The following DHX58 variants were observed in gnomAD, a reference collection of about 807,000 sequenced individuals.
DHX58 encodes the protein ATP-dependent RNA helicase DHX58.
DHX58 carries 51 observed loss-of-function variants against 65.0 expected under a neutral mutation model. That is an observed-to-expected ratio of 0.78 (90% CI 0.63 to 0.99). The LOEUF is 0.99. Among genes scored for constraint, DHX58 ranks in the 50% least tolerant of loss-of-function variants. The pLI, the probability that DHX58 is intolerant of heterozygous loss-of-function variation, is 0.00. For missense variants in DHX58, 773 were observed against 891.8 expected, an observed-to-expected ratio of 0.87 and a Z score of 1.70; for synonymous variants, 350 against 365.0, an observed-to-expected ratio of 0.96 and a Z score of 0.47.
rs1218640824 is a variant in DHX58 at position 42,105,810 on chromosome 17, G to C, written c.1177C>G (p.Leu393Val). The C allele has an allele frequency of 5.2e-5, 84 of 1,613,682 alleles. No homozygotes were observed. Among genetic ancestry groups the C allele is most frequent in the Non-Finnish European group, 6.9e-5 (81 of 1,179,868 alleles). Reference protein sequence around the residue: ...LLLWLQQQQGLQTVDIRAQLL... With the variant: ...LLLWLQQQQGVQTVDIRAQLL... ...TGGGCCCGGATGTCCACAGTCTGCA[G>C]GCCCTGCTGCTGCTGGAGCCAGAGC... Residue 393 changes from leucine to valine, a missense_variant, in exon 9 of 14, where the codon CTG (leucine) becomes GTG (valine). Physicochemically the swap from Leu to Val is conservative, Grantham distance 32. Transcript: ENST00000251642.
chr17:42,106,869 G>A lies in DHX58; in HGVS notation c.997+735C>T, dbSNP rs530503891. Among the ~76,000 whole-genome samples, 74 of 152,030 alleles carry A rather than the reference G, an allele frequency of 4.9e-4. 1 individual carries two copies. In the East Asian group the frequency reaches 0.012, roughly 25 times the overall value. On this transcript the variant is annotated intron_variant, in intron 8 of 13. Coordinates refer to ENST00000251642, the MANE Select transcript of DHX58 (RefSeq NM_024119.3). The stretch of plus-strand genomic sequence containing the variant: ...CCACTCTCAAGGCCAGCCTCACACC[G>A]GGGTCATACAGTACAGAACCTCAGA...
chr17:42,105,576 C>CCCTCTCCCCTAGCT (rs2054043761), intron 9 of DHX58, among the ~76,000 whole-genome samples, 160 bp downstream of exon 9: 1 of 152,134 alleles, frequency 6.6e-6, no homozygotes, highest in Admixed American at 6.5e-5. Flanking sequence ...CAGTGTCCGC[C>CCCTCTCCCCTAGCT]CCTCTCCCCT....
At position 42,109,251 on chromosome 17, in the gene DHX58, T is replaced by C. The variant is rs976623815; in HGVS notation, c.678+19A>G. On this transcript the variant is annotated intron_variant, in intron 6 of 13. Coordinates refer to ENST00000251642, the MANE Select transcript of DHX58 (RefSeq NM_024119.3). ...TTCACACCGGCTCCCGCTCTCGCCG[T>C]GTCCCTGCCCCCGCGTACCTGGCTG... The C allele has an allele frequency of 6.2e-7, 1 of 1,603,092 alleles. No individual in the cohort carries two copies. Among genetic ancestry groups the C allele is most frequent in the African/African-American group, 1.3e-5 (1 of 74,928 alleles).
intron 8 of DHX58, 32 bp from the exon 9 acceptor site, chr17:42,106,021 A>AG: frequency 6.3e-7 from 1 of 1,594,618 alleles, no homozygotes; most frequent in South Asian, 1.1e-5. Context: ...AGCTGGGTGT[A>AG]GTGGCACATG....
rs1555663882 is a variant in DHX58 at position 42,110,715 on chromosome 17, A to G, written c.561+8T>C. The G allele has an allele frequency of 3.1e-6, 5 of 1,590,950 alleles. No homozygotes were observed. The highest frequency in any genetic ancestry group is 1.7e-5 in the Admixed American group (1 of 57,910). On this transcript the variant is annotated splice_region_variant and intron_variant, in intron 5 of 13. Transcript: ENST00000251642. ...TGGCAGTGGGAGGCCCACAGGGGCC[A>G]GGCTGACCTGCAGGACGTGGTTGAT...
At chr17:42,107,582 G>A (rs1555662980) in intron 8 of DHX58, 22 bp downstream of exon 8, 3 of 750,096 alleles carry the variant, frequency 4.0e-6, no homozygotes, top group Non-Finnish European at 4.2e-6. Context: ...CCCCGGCCCC[G>A]AAGCCCCCTC....
intron 10 of DHX58, 24 bp downstream of exon 10, chr17:42,104,994 C>A (rs782157143): frequency 1.1e-5 from 18 of 1,611,870 alleles, no homozygotes; most frequent in Admixed American, 6.7e-5. Flanking sequence ...ATAAGGGCGG[C>A]TGAGTGGAGG....
Position 42,110,770 on chromosome 17 carries a change from T to C in DHX58, c.514A>G (p.Thr172Ala), listed in dbSNP as rs1555663920. 6.2e-7 allele frequency: 1 copy of C among 1,613,146 alleles called. No individual in the cohort carries two copies. The highest frequency in any genetic ancestry group is 8.5e-7 in the Non-Finnish European group (1 of 1,179,598). Residue 172 changes from threonine to alanine, a missense_variant, in exon 5 of 14, where the codon ACT becomes GCT. Thr to Ala is a moderately conservative substitution (Grantham distance 58). Coordinates refer to ENST00000251642, the MANE Select transcript of DHX58 (RefSeq NM_024119.3). ...QVLGLTASPG[T>A]GGASKLDGAI... ...CCATCGAGTTTGGAGGCCCCGCCAG[T>C]GCCTGGGGAGGCTGTGAGACCCAGC...
rs368644102 is a variant in DHX58 at position 42,111,798 on chromosome 17, C to T, written c.95G>A (p.Arg32Gln). ...CCGCTTGGCCACATAAGCAGCCGCC[C>T]GGGTCTTCCCGGCACCCGTGGGCAG... ...IWLPTGAGKT[R>Q]AAAYVAKRHL... is the part of the protein sequence containing the mutation. The change falls in exon 3 of 14, where the codon CGG becomes CAG. Residue 32 changes from arginine (R) to glutamine (Q), a missense_variant. Arg to Gln is a conservative substitution (Grantham distance 43). Coordinates refer to ENST00000251642, the MANE Select transcript of DHX58 (RefSeq NM_024119.3). 61 of 1,613,950 alleles carry T rather than the reference C, an allele frequency of 3.8e-5. No homozygotes were observed. The highest frequency in any genetic ancestry group is 2.0e-4 in the East Asian group (9 of 44,892).
rs2053984468 is a variant in DHX58 at position 42,101,877 on chromosome 17, C to T, written c.1921G>A (p.Glu641Lys). ...GCCTGGATCCGCCCCTGAGGGGTCT[C>T]CAGCAGCATGCTGCGGACTTTGAGC... is the stretch of plus-strand genomic sequence containing the variant. ...PVLKVRSMLL[E>K]TPQGRIQAKK... is the part of the protein sequence containing the mutation. The change falls in exon 14 of 14, where the codon GAG becomes AAG. Residue 641 changes from glutamate (E) to lysine (K), a missense_variant. Glu to Lys is a moderately conservative substitution (Grantham distance 56, BLOSUM62 1). Transcript: ENST00000251642. The T allele has an allele frequency of 6.2e-7, 1 of 1,614,224 alleles. No individual in the cohort carries two copies. The highest frequency in any genetic ancestry group is 8.5e-7 in the Non-Finnish European group (1 of 1,180,038).
intron 1 of DHX58, 181 bp downstream of exon 1, chr17:42,112,424 C>A: frequency 4.1e-6 from 1 of 243,334 alleles, no homozygotes; most frequent in Admixed American, 5.2e-5. Context: ...GGGACTCAGA[C>A]CCACTGGGCC....
chr17:42,101,677 T>A lies in DHX58; in HGVS notation c.*84A>T. ...TGGTGGGCCTGATGCCCACAGCTGA[T>A]GATTCAGGAAGGAGGGGCCTGGAGT... On this transcript the variant is annotated 3_prime_UTR_variant, in exon 14 of 14. Transcript: ENST00000251642. 6.5e-7 allele frequency: 1 copy of A among 1,531,632 alleles called. No homozygotes were observed. The highest frequency in any genetic ancestry group is 8.9e-7 in the Non-Finnish European group (1 of 1,129,616). The allele number at this position is 1,531,632 out of a possible 1,614,324, so 94.9% of individuals were successfully genotyped here. A position where few individuals can be genotyped will look rare whatever the true frequency, so the allele number is the denominator to read the frequency against.
chr17:42,104,682 A>C, intron 11 of DHX58, 84 bp downstream of exon 11: 1 of 1,534,506 alleles, frequency 6.5e-7, no homozygotes, highest in East Asian at 2.3e-5. Context: ...GGACAGGGGG[A>C]CGTATGTGTG....
chr17:42,110,364 C>T (rs782238252), intron 5 of DHX58, among the ~76,000 whole-genome samples: 7 of 151,986 alleles, frequency 4.6e-5, no homozygotes, highest in Non-Finnish European at 7.4e-5. Context: ...CAAAGGGAAG[C>T]GCATTCTAGG....
intron 9 of DHX58, among the ~76,000 whole-genome samples, chr17:42,105,517 C>T (rs1278490964): frequency 6.6e-6 from 1 of 152,156 alleles, no homozygotes; most frequent in East Asian, 1.9e-4. Flanking sequence ...GCCCAACCTT[C>T]TGCCCCCAAG....
intron 8 of DHX58, 141 bp downstream of exon 8, chr17:42,107,463 G>A (rs1227598273): frequency 1.9e-5 from 18 of 964,876 alleles, no homozygotes; most frequent in Non-Finnish European, 2.4e-5. Flanking sequence ...CCATGGCCTT[G>A]GATTTTGGTT....
chr17:42,105,283 T>C, intron 9 of DHX58, 116 bp from the exon 10 acceptor site: 1 of 1,311,068 alleles, frequency 7.6e-7, no homozygotes, highest in African/African-American at 1.5e-5. Context: ...TTGGTCCATC[T>C]CCCTAGAGTA....
At chr17:42,102,616 G>A (rs375959406) in intron 12 of DHX58, 1 of 262,646 alleles carries the variant, frequency 3.8e-6, no homozygotes, top group Non-Finnish European at 7.2e-6. Flanking sequence ...ACTGCTAGAG[G>A]GATCTAAAAA....
intron 3 of DHX58, 37 bp downstream of exon 3, chr17:42,111,688 T>C (rs201991097): frequency 1.9e-6 from 3 of 1,585,920 alleles, no homozygotes; most frequent in Non-Finnish European, 2.6e-6. Context: ...AGACCCTGCT[T>C]GGTGGTGGGA....
Sources: gnomAD v4.1 joint callset for allele counts (sites outside exome capture counted in the v4.1 genomes callset) on GRCh38, gnomAD v4.1.1 for gene constraint, MANE v1.5 for transcripts, NCBI Gene and HGNC (gene_info 2026-07-23, HGNC 2026-07-21) for gene names.